DGLUCY: variants seen among roughly 807,000 people sequenced by gnomAD.
The protein encoded by DGLUCY is D-glutamate cyclase, mitochondrial.
Under a neutral mutation model 58.5 loss-of-function variants are expected in DGLUCY, and 58 were observed. The ratio of observed to expected loss-of-function variants is 0.99; its 90% confidence interval spans 0.80 to 1.23. The LOEUF is 1.23. Ranked by LOEUF, DGLUCY falls within the 50% of genes most tolerant of loss-of-function variation. DGLUCY has a pLI of 0.00. For missense variants in DGLUCY, 779 were observed against 784.7 expected (o/e 0.99, Z 0.09); for synonymous variants, 325 against 314.1 (o/e 1.03, Z -0.37).
intron 9 of DGLUCY, among the ~76,000 whole-genome samples, chr14:91,191,315 G>A (rs1221174254): frequency 6.6e-6 from 1 of 152,220 alleles, no homozygotes; most frequent in Non-Finnish European, 1.5e-5. Flanking sequence ...AATGGGGAGA[G>A]TTGTTTATAG....
At chr14:91,197,848 A>G (rs1406748954) in intron 10 of DGLUCY, among the ~76,000 whole-genome samples, 1 of 152,174 alleles carries the variant, frequency 6.6e-6, no homozygotes, top group Non-Finnish European at 1.5e-5. Flanking sequence ...TACTGCTGCT[A>G]TGAGCATGGG....
At chr14:91,133,294 T>TCAACAA (rs748258195) in intron 1 of DGLUCY, among the ~76,000 whole-genome samples, 2 of 151,842 alleles carry the variant, frequency 1.3e-5, no homozygotes, top group Non-Finnish European at 2.9e-5. Context: ...AGACTCCGTC[T>TCAACAA]CAACAACAAC....
At chr14:91,161,919 G>GT (rs2048019120) in intron 3 of DGLUCY, among the ~76,000 whole-genome samples, 1 of 151,384 alleles carries the variant, frequency 6.6e-6, no homozygotes, top group South Asian at 2.1e-4. Context: ...ACAGCAACCT[G>GT]TTATATACGA....
At chr14:91,109,020 C>T (rs1236225714) in intron 1 of DGLUCY, among the ~76,000 whole-genome samples, 2 of 152,020 alleles carry the variant, frequency 1.3e-5, no homozygotes, top group African/African-American at 4.8e-5. Flanking sequence ...CTGCTCCTTG[C>T]CTTTCATGGG....
chr14:91,142,131 C>T (rs554015840), intron 1 of DGLUCY, among the ~76,000 whole-genome samples: 1 of 152,238 alleles, frequency 6.6e-6, no homozygotes, highest in African/African-American at 2.4e-5. Flanking sequence ...CAGGCGTGAG[C>T]CATCGTGCCC....
intron 13 of DGLUCY, 24 bp downstream of exon 13, chr14:91,215,580 C>T (rs545943431): frequency 2.0e-5 from 32 of 1,613,098 alleles, no homozygotes; most frequent in African/African-American, 6.7e-5. Context: ...GCCAGCCGCT[C>T]GCCTGGAAGC....
chr14:91,098,890 T>G (rs1021715168), intron 1 of DGLUCY, among the ~76,000 whole-genome samples: 2 of 152,226 alleles, frequency 1.3e-5, no homozygotes, highest in African/African-American at 4.8e-5. Context: ...GCTTAGCAAG[T>G]AATAGGCTCC....
intron 1 of DGLUCY, among the ~76,000 whole-genome samples, chr14:91,149,821 T>C (rs1718570062): frequency 6.6e-6 from 1 of 152,234 alleles, no homozygotes; most frequent in South Asian, 2.1e-4. Flanking sequence ...TAAAAGCAGA[T>C]TTACTTTGAA....
At chr14:91,161,085 A>C (rs1411177154) in intron 3 of DGLUCY, among the ~76,000 whole-genome samples, 2 of 152,226 alleles carry the variant, frequency 1.3e-5, no homozygotes, top group African/African-American at 2.4e-5. Context: ...GTTGTTGTTG[A>C]GACGTAGTCT....
chr14:91,086,130 C>T (rs2044214223), intron 1 of DGLUCY, among the ~76,000 whole-genome samples: 1 of 152,070 alleles, frequency 6.6e-6, no homozygotes, highest in African/African-American at 2.4e-5. Context: ...GAATCTAATG[C>T]CTGATGATCT....
chr14:91,127,119 C>T (rs971712823), intron 1 of DGLUCY, among the ~76,000 whole-genome samples: 1 of 142,304 alleles, frequency 7.0e-6, no homozygotes, highest in African/African-American at 2.6e-5. Flanking sequence ...TGCAGTGGCA[C>T]AAGTATGGCT....
chr14:91,148,245 C>G (rs2047118040), intron 1 of DGLUCY, among the ~76,000 whole-genome samples: 1 of 151,696 alleles, frequency 6.6e-6, no homozygotes, highest in Non-Finnish European at 1.5e-5. Context: ...CTCTCCATCA[C>G]CCAGGCTGGA....
chr14:91,129,059 G>C (rs1388764348), intron 1 of DGLUCY: 1 of 152,176 alleles, frequency 6.6e-6, no homozygotes, highest in East Asian at 1.9e-4. Context: ...TCAGAAGCCT[G>C]ACAATCCGCC....
intron 8 of DGLUCY, 71 bp downstream of exon 8, chr14:91,181,460 C>G (rs1348451390): frequency 3.7e-5 from 54 of 1,476,758 alleles, no homozygotes; most frequent in Non-Finnish European, 5.0e-5. Context: ...GAGAAAATCA[C>G]CTTTTCAGTG....
chr14:91,134,456 G>A (rs557385771), intron 1 of DGLUCY, among the ~76,000 whole-genome samples: 4 of 144,754 alleles, frequency 2.8e-5, no homozygotes, highest in Non-Finnish European at 6.0e-5. Context: ...TTTTTTTTCT[G>A]GGATAGAGTC....
intron 8 of DGLUCY, among the ~76,000 whole-genome samples, chr14:91,184,090 G>A (rs1028755003): frequency 2.6e-5 from 4 of 151,726 alleles, no homozygotes; most frequent in Admixed American, 6.6e-5. Context: ...GCCGACCTCC[G>A]TGGAGAGCTG....
At chr14:91,159,874 A>T (rs981253270) in intron 2 of DGLUCY, among the ~76,000 whole-genome samples, 2 of 152,182 alleles carry the variant, frequency 1.3e-5, no homozygotes, top group Non-Finnish European at 2.9e-5. Flanking sequence ...GAAGTCTCAC[A>T]TGTGTCCCTG....
intron 4 of DGLUCY, among the ~76,000 whole-genome samples, chr14:91,169,532 C>G (rs1043469636): frequency 1.3e-5 from 2 of 152,106 alleles, no homozygotes; most frequent in African/African-American, 4.8e-5. Flanking sequence ...GCTTCAGCCT[C>G]CTGAGTAGCT....
At chr14:91,119,244 C>A (rs1483016871) in intron 1 of DGLUCY, among the ~76,000 whole-genome samples, 1 of 152,134 alleles carries the variant, frequency 6.6e-6, no homozygotes, top group East Asian at 1.9e-4. Flanking sequence ...AAAAGTGACT[C>A]AACATCACCT....
Sources: gnomAD v4.1 joint callset for allele counts (sites outside exome capture counted in the v4.1 genomes callset) on GRCh38, gnomAD v4.1.1 for gene constraint, MANE v1.5 for transcripts, NCBI Gene and HGNC (gene_info 2026-07-23, HGNC 2026-07-21) for gene names.